Variants in EEPD1 observed in about 807,000 individuals in gnomAD.
The protein encoded by EEPD1 is endonuclease/exonuclease/phosphatase family domain containing 1.
A neutral mutation model predicts 46.3 loss-of-function variants in EEPD1; 17 were observed. The observed-to-expected ratio is 0.37, with a 90% confidence interval of 0.25 to 0.55. The LOEUF (loss-of-function observed/expected upper bound fraction) is 0.55. Among genes scored for constraint, EEPD1 ranks in the 20% least tolerant of loss-of-function variants. The pLI, the probability that EEPD1 is intolerant of heterozygous loss-of-function variation, is 0.83. For missense variants in EEPD1, 673 were observed against 745.6 expected (o/e 0.90, Z 1.13); for synonymous variants, 313 against 315.6 (o/e 0.99, Z 0.09).
rs1308866196 is a variant in EEPD1 at position 36,297,128 on chromosome 7, A to G, written c.1451A>G (p.Gln484Arg). 6.2e-7 allele frequency: 1 copy of G among 1,614,166 alleles called. No homozygotes were observed. Among genetic ancestry groups the G allele is most frequent in the South Asian group, 1.1e-5 (1 of 91,076 alleles). The change falls in exon 7 of 8, where the codon CAA becomes CGA. Residue 484 changes from glutamine (Q) to arginine (R), a missense_variant. Transcript: ENST00000242108. The part of the protein sequence containing the change: ...TFTNISTKNP[Q>R]GSKSLDNIWI... Reference sequence around the variant, plus strand: ...ACCAACATCAGCACCAAGAACCCTCAAGGCTCGAAGTCTCTGGACAACATC... The same window carrying G: ...ACCAACATCAGCACCAAGAACCCTCGAGGCTCGAAGTCTCTGGACAACATC...
Position 36,299,379 on chromosome 7 carries a change from G to T in EEPD1, c.*173G>T, listed in dbSNP as rs1787581223. ...TGGACCATTCAGGACCTCCAGTGGGGGTGGCGTGCCAGGCGCGTACCCCAC... is the reference window on the plus strand; with the variant it reads ...TGGACCATTCAGGACCTCCAGTGGGTGTGGCGTGCCAGGCGCGTACCCCAC... On this transcript the variant is annotated 3_prime_UTR_variant, in exon 8 of 8. Coordinates refer to ENST00000242108, the MANE Select transcript of EEPD1 (RefSeq NM_030636.3). 7.3e-6 allele frequency: 6 copies of T among 820,356 alleles called. 1 individual carries two copies. The South Asian group carries it at 9.2e-5, about 13-fold the overall frequency. The allele number at this position is 820,356 out of a possible 1,614,324, so 50.8% of individuals were successfully genotyped here. A position where few individuals can be genotyped will look rare whatever the true frequency, so the allele number is the denominator to read the frequency against.
At position 36,201,440 on chromosome 7, in the gene EEPD1, G is replaced by A. The variant is rs1358563657; in HGVS notation, c.879-37545G>A. ...CCAGGGCATGGAGAAAAGCACTCAG[G>A]TGTGGGAGCAGGAAAGGTCTGGACT... is the stretch of plus-strand genomic sequence containing the variant. On this transcript the variant is annotated intron_variant, in intron 2 of 7. Transcript: ENST00000242108. Among the ~76,000 whole-genome samples, 7 of 152,314 alleles carry A rather than the reference G, an allele frequency of 4.6e-5. No homozygotes were observed. In the East Asian group the frequency reaches 1.2e-3, roughly 25 times the overall value.
Position 36,170,556 on chromosome 7 carries a change from T to A in EEPD1, c.878+15354T>A, listed in dbSNP as rs1453890189. ...GGACCTGCTTCTCTTTGGTTTCATGTTAAAAGTGTCTTTTTTTTTTTTTTT... is the reference window on the plus strand; with the variant it reads ...GGACCTGCTTCTCTTTGGTTTCATGATAAAAGTGTCTTTTTTTTTTTTTTT... On this transcript the variant is annotated intron_variant, in intron 2 of 7. Transcript: ENST00000242108. 6.0e-5 allele frequency among the ~76,000 whole-genome samples: 8 copies of A among 134,188 alleles called. No individual in the cohort carries two copies. In the East Asian group the frequency reaches 1.6e-3, roughly 27 times the overall value. 88.0% of individuals were successfully genotyped at this position (134,188 alleles called of 152,430 possible). A position where few individuals can be genotyped will look rare whatever the true frequency, so the allele number is the denominator to read the frequency against.
intron 2 of EEPD1, among the ~76,000 whole-genome samples, chr7:36,213,544 G>A (rs1452926579): frequency 3.9e-5 from 6 of 152,184 alleles, no homozygotes; most frequent in Non-Finnish European, 8.8e-5. Context: ...GGGAGAAAAC[G>A]TGATTGCCCA....
chr7:36,217,791 C>T (rs1786055675), intron 2 of EEPD1, among the ~76,000 whole-genome samples: 2 of 152,154 alleles, frequency 1.3e-5, no homozygotes, highest in South Asian at 4.1e-4. Context: ...AGGCCATGGG[C>T]TCTAACAAAA....
chr7:36,197,505 G>A (rs1785627104), intron 2 of EEPD1, among the ~76,000 whole-genome samples: 1 of 152,212 alleles, frequency 6.6e-6, no homozygotes, highest in South Asian at 2.1e-4. Flanking sequence ...TGAGAAATTG[G>A]ATGGTTGCCG....
intron 2 of EEPD1, among the ~76,000 whole-genome samples, chr7:36,182,081 TA>T (rs1333436040): frequency 1.3e-5 from 2 of 152,210 alleles, no homozygotes; most frequent in East Asian, 3.9e-4. Flanking sequence ...GAATTTGTCT[TA>T]CCAGCGTGGA....
At chr7:36,164,078 T>C (rs1053977086) in intron 2 of EEPD1, among the ~76,000 whole-genome samples, 2 of 152,192 alleles carry the variant, frequency 1.3e-5, no homozygotes, top group African/African-American at 2.4e-5. Flanking sequence ...TGTATTTGTC[T>C]TAGTGTTTGT....
At position 36,204,345 on chromosome 7, in the gene EEPD1, CT is replaced by C. The variant is rs569612643; in HGVS notation, c.879-34636del. ...GCCACTGTGCCCAGCCATAAATGCCCTTTTAAGTAGCATTTACAATGGCTGC... is the reference window on the plus strand; with the variant it reads ...GCCACTGTGCCCAGCCATAAATGCCCTTTAAGTAGCATTTACAATGGCTGC... On this transcript the variant is annotated intron_variant, in intron 2 of 7. Transcript: ENST00000242108. 1.8e-4 allele frequency among the ~76,000 whole-genome samples: 27 copies of C among 152,168 alleles called. 1 individual carries two copies. The South Asian group carries it at 5.4e-3, about 30-fold the overall frequency.
intron 2 of EEPD1, among the ~76,000 whole-genome samples, chr7:36,198,342 G>GAAAAAAA (rs1361024411): frequency 3.0e-5 from 1 of 33,102 alleles, no homozygotes; most frequent in Non-Finnish European, 5.5e-5. Flanking sequence ...AAAAAGAAAA[G>GAAAAAAA]AAAAAAAAAA....
chr7:36,268,131 C>T lies in EEPD1; in HGVS notation c.931-12984C>T, dbSNP rs751085353. On this transcript the variant is annotated intron_variant, in intron 3 of 7. Transcript: ENST00000242108. ...TAAGAACCTAGCCCAGGATGGCCCC[C>T]GTTTGGTGCTTGTTAAGTGTTTTGT... is the stretch of plus-strand genomic sequence containing the variant. Among the ~76,000 whole-genome samples the T allele has an allele frequency of 3.3e-5, 5 of 152,052 alleles. No homozygotes were observed. The South Asian group carries it at 6.2e-4, about 19-fold the overall frequency.
chr7:36,229,855 T>G (rs770554431), intron 2 of EEPD1, among the ~76,000 whole-genome samples: 7 of 152,114 alleles, frequency 4.6e-5, no homozygotes, highest in Non-Finnish European at 7.3e-5. Context: ...GCACCTACCC[T>G]GGACTGTCTT....
rs116691225 is a variant in EEPD1 at position 36,183,193 on chromosome 7, T to C, written c.878+27991T>C. 3.0e-3 allele frequency among the ~76,000 whole-genome samples: 453 copies of C among 152,286 alleles called. 2 individuals carry two copies. The highest frequency in any genetic ancestry group is 0.01 in the African/African-American group (426 of 41,554). On this transcript the variant is annotated intron_variant, in intron 2 of 7. Coordinates refer to ENST00000242108, the MANE Select transcript of EEPD1 (RefSeq NM_030636.3). Reference sequence around the variant, plus strand: ...GTGTAGTGTTCCTGAGTGTCTTTGCTGTGTAGACGGCACGCATGTATCATC... The same window carrying C: ...GTGTAGTGTTCCTGAGTGTCTTTGCCGTGTAGACGGCACGCATGTATCATC...
intron 2 of EEPD1, among the ~76,000 whole-genome samples, chr7:36,159,768 T>C (rs1266851152): frequency 1.3e-5 from 2 of 152,204 alleles, no homozygotes; most frequent in Non-Finnish European, 2.9e-5. Flanking sequence ...CTCTAAAGGA[T>C]GGGGCTTGAG....
At chr7:36,231,306 C>T (rs918550844) in intron 2 of EEPD1, among the ~76,000 whole-genome samples, 3 of 152,206 alleles carry the variant, frequency 2.0e-5, no homozygotes, top group Non-Finnish European at 2.9e-5. Context: ...AAGTGTTGCT[C>T]ATCCTGACTT....
intron 2 of EEPD1, among the ~76,000 whole-genome samples, chr7:36,231,564 CCT>C: frequency 6.6e-6 from 1 of 152,254 alleles, no homozygotes; most frequent in Middle Eastern, 3.4e-3. Context: ...CAGGAAGACA[CCT>C]CTCTCTTCCT....
chr7:36,281,346 C>T (rs1490378062), intron 4 of EEPD1, 121 bp downstream of exon 4: 2 of 880,186 alleles, frequency 2.3e-6, no homozygotes, highest in African/African-American at 1.7e-5. Flanking sequence ...GTATTTCTGC[C>T]CAATTTTTAA....
At position 36,166,928 on chromosome 7, in the gene EEPD1, T is replaced by TG. The variant is rs1048292206; in HGVS notation, c.878+11732dup. On this transcript the variant is annotated intron_variant, in intron 2 of 7. Coordinates refer to ENST00000242108, the MANE Select transcript of EEPD1 (RefSeq NM_030636.3). ...GCTGCCATAATGAAGTCCCACAGAC[T>TG]GGGGGGCTTCAACCACAGAAATGAT... is the stretch of plus-strand genomic sequence containing the variant. Among the ~76,000 whole-genome samples, 53 of 152,112 alleles carry TG rather than the reference T, an allele frequency of 3.5e-4. 2 individuals are homozygous for TG. The highest frequency in any genetic ancestry group is 1.5e-5 in the Non-Finnish European group (1 of 68,028).
At chr7:36,176,007 C>T (rs986111865) in intron 2 of EEPD1, among the ~76,000 whole-genome samples, 1 of 152,166 alleles carries the variant, frequency 6.6e-6, no homozygotes, top group African/African-American at 2.4e-5. Flanking sequence ...TGGGCCCTTT[C>T]AGCCCTGAGT....
Sources: allele counts gnomAD v4.1 joint callset (sites outside exome capture counted in the v4.1 genomes callset), GRCh38; gene constraint gnomAD v4.1.1; transcripts MANE v1.5; gene names NCBI Gene and HGNC (gene_info 2026-07-23, HGNC 2026-07-21).